The following IL20RA variants were observed in gnomAD, a reference collection of about 807,000 sequenced individuals.
The protein encoded by IL20RA is interleukin-20 receptor subunit alpha.
A neutral mutation model predicts 36.5 loss-of-function variants in IL20RA; 29 were observed. The observed-to-expected ratio is 0.79, with a 90% CI of 0.59 to 1.08. The LOEUF (loss-of-function observed/expected upper bound fraction) is 1.08. IL20RA is among the 50% of genes least tolerant of loss of function. The pLI is 0.00. For synonymous variants in IL20RA, 279 were observed against 267.1 expected (o/e 1.04, Z -0.43); for missense variants, 652 against 668.4 (o/e 0.98, Z 0.27).
chr6:137,027,594 G>A lies in IL20RA; in HGVS notation c.89-10491C>T, dbSNP rs559319180. ...CTCTGTGCCTCAATTTCCCCATTTG[G>A]AAAATGGAACAGTACTATCTGCCTC... On this transcript the variant is annotated intron_variant, in intron 1 of 6. Transcript: ENST00000316649. 1.8e-4 allele frequency among the ~76,000 whole-genome samples: 27 copies of A among 152,318 alleles called. No individual in the cohort carries two copies. The South Asian group carries it at 3.9e-3, about 22-fold the overall frequency.
intron 5 of IL20RA, among the ~76,000 whole-genome samples, chr6:137,008,235 A>G (rs553932367): frequency 6.6e-6 from 1 of 152,312 alleles, no homozygotes; most frequent in East Asian, 1.9e-4. Context: ...AAAGTGCTGA[A>G]ATTTCAGGTG....
rs551507388 is a variant in IL20RA at position 137,025,135 on chromosome 6, T to C, written c.89-8032A>G. On this transcript the variant is annotated intron_variant, in intron 1 of 6. Transcript: ENST00000316649. ...TGTTTATTTCCCTTTTATTATATTA[T>C]AACTTGGCACCATAAATGGAATGTG... Among the ~76,000 whole-genome samples, 313 of 152,320 alleles carry C rather than the reference T, an allele frequency of 2.1e-3. 1 individual carries two copies. Among genetic ancestry groups the C allele is most frequent in the African/African-American group, 7.4e-3 (308 of 41,586 alleles).
intron 1 of IL20RA, chr6:137,042,928 G>A (rs1173093695): frequency 6.6e-6 from 1 of 152,156 alleles, no homozygotes; most frequent in African/African-American, 2.4e-5. Flanking sequence ...TTAGACCTTA[G>A]CCCAAAGACC....
chr6:137,027,412 C>A (rs1776131901), intron 1 of IL20RA, among the ~76,000 whole-genome samples: 1 of 152,186 alleles, frequency 6.6e-6, no homozygotes, highest in Admixed American at 6.5e-5. Flanking sequence ...TCCATTCTTA[C>A]AAGGTACTGC....
intron 1 of IL20RA, among the ~76,000 whole-genome samples, chr6:137,040,183 T>C (rs1776636568): frequency 6.6e-6 from 1 of 152,104 alleles, no homozygotes; most frequent in South Asian, 2.1e-4. Flanking sequence ...AAAGAGGCTG[T>C]AAATGAAAGA....
chr6:137,020,591 G>GA (rs1775861389), intron 1 of IL20RA, among the ~76,000 whole-genome samples: 1 of 150,882 alleles, frequency 6.6e-6, no homozygotes, highest in Non-Finnish European at 1.5e-5. Flanking sequence ...TTATGTTTAT[G>GA]AAAAAAATTA....
intron 1 of IL20RA, among the ~76,000 whole-genome samples, chr6:137,022,470 T>G (rs1175058820): frequency 6.6e-6 from 1 of 152,174 alleles, no homozygotes; most frequent in Non-Finnish European, 1.5e-5. Flanking sequence ...GCCTTGGACT[T>G]TAGCTCTTTG....
intron 1 of IL20RA, among the ~76,000 whole-genome samples, chr6:137,042,265 T>C (rs1372619094): frequency 6.6e-6 from 1 of 152,114 alleles, no homozygotes; most frequent in East Asian, 1.9e-4. Context: ...TGGTGTGAGA[T>C]AAGGCTGGAG....
At chr6:137,041,851 A>G (rs537687311) in intron 1 of IL20RA, among the ~76,000 whole-genome samples, 40 of 152,104 alleles carry the variant, frequency 2.6e-4, no homozygotes, top group African/African-American at 9.6e-4. Context: ...TCTGGAATAC[A>G]TGTGCAGAAC....
At chr6:137,044,535 A>G (rs555000853) in intron 1 of IL20RA, 106 bp downstream of exon 1, 1 of 1,123,556 alleles carries the variant, frequency 8.9e-7, no homozygotes, top group African/African-American at 1.6e-5. Flanking sequence ...CCGAAAGCGA[A>G]ACCTGGCCGG....
chr6:137,025,824 GTTTC>G (rs1228231474), intron 1 of IL20RA, among the ~76,000 whole-genome samples: 1 of 152,154 alleles, frequency 6.6e-6, no homozygotes, highest in Admixed American at 6.6e-5. Context: ...AGTAAAAGTT[GTTTC>G]TTTTTAGTTG....
intron 1 of IL20RA, among the ~76,000 whole-genome samples, chr6:137,018,405 T>C (rs1317801873): frequency 1.3e-5 from 2 of 152,170 alleles, no homozygotes; most frequent in African/African-American, 4.8e-5. Flanking sequence ...TATGCTTGTG[T>C]TATAATTGTC....
rs376622237 is a variant in IL20RA, at chr6:137,003,869, G to A, written c.864+752C>T. Among the ~76,000 whole-genome samples, 39 of 152,090 alleles carry A rather than the reference G, an allele frequency of 2.6e-4. 2 individuals are homozygous for A. The highest frequency in any genetic ancestry group is 1.3e-3 in the Admixed American group (20 of 15,276). ...TTGCTGTTTCTTCTGCCTGCACTAC[G>A]GATCCTAACTCCTACTCACCTCTCA... On this transcript the variant is annotated intron_variant, in intron 6 of 6. Transcript: ENST00000316649.
chr6:137,010,548 C>T (rs377476105), intron 3 of IL20RA, among the ~76,000 whole-genome samples: 20 of 152,268 alleles, frequency 1.3e-4, no homozygotes, highest in African/African-American at 4.3e-4. Context: ...CGGAAGGGCT[C>T]CTGGACTTAT....
rs888655937 is a variant in IL20RA at position 137,044,557 on chromosome 6, G to A, written c.88+84C>T. The A allele has an allele frequency of 1.3e-5, 16 of 1,186,550 alleles. No individual in the cohort carries two copies. In the African/African-American group the frequency reaches 2.5e-4, roughly 19 times the overall value. 73.5% of individuals were successfully genotyped at this position (1,186,550 alleles called of 1,614,324 possible). ...CGAAACCTGGCCGGCGGGCAGGAGG[G>A]GAGAGCTCGGCCTCGAGCTCTGCCT... On this transcript the variant is annotated intron_variant, in intron 1 of 6. Transcript: ENST00000316649.
chr6:137,005,956 A>G (rs11754200), intron 5 of IL20RA, among the ~76,000 whole-genome samples: 29,531 of 152,152 alleles, frequency 0.19, 3,506 homozygotes, highest in Non-Finnish European at 0.27. Context: ...ACAAATAAAT[A>G]TATCGATATG....
intron 2 of IL20RA, 117 bp downstream of exon 2, chr6:137,016,851 T>C: frequency 3.1e-6 from 3 of 973,274 alleles, no homozygotes; most frequent in African/African-American, 1.7e-5. Flanking sequence ...CTGAAATATC[T>C]AAAACTTTTC....
intron 1 of IL20RA, among the ~76,000 whole-genome samples, chr6:137,039,343 G>A (rs939483297): frequency 3.0e-4 from 46 of 152,300 alleles, no homozygotes; most frequent in African/African-American, 1.1e-3. Context: ...TCTCTGGGGA[G>A]GCTGGGGCTG....
intron 1 of IL20RA, among the ~76,000 whole-genome samples, chr6:137,035,874 GGA>G (rs1429125144): frequency 1.3e-5 from 2 of 152,192 alleles, no homozygotes; most frequent in Non-Finnish European, 2.9e-5. Context: ...CGTTGGAAAG[GGA>G]GAGGGATGCT....
Sources: gnomAD v4.1 joint callset for allele counts (sites outside exome capture counted in the v4.1 genomes callset) on GRCh38, gnomAD v4.1.1 for gene constraint, MANE v1.5 for transcripts, NCBI Gene and HGNC (gene_info 2026-07-23, HGNC 2026-07-21) for gene names.